Variants in CDC42 observed in about 807,000 individuals in gnomAD.
CDC42 encodes the protein cell division control protein 42 homolog.
CDC42 carries 1 observed loss-of-function variant against 20.8 expected under a neutral mutation model. The ratio of observed to expected loss-of-function variants is 0.05; its 90% CI spans 0.02 to 0.23. The LOEUF (loss-of-function observed/expected upper bound fraction) is 0.23. Among genes scored for constraint, CDC42 ranks in the 10% least tolerant of loss-of-function variants. The probability of loss-of-function intolerance (pLI) is 1.00; values close to 1 mark genes in which losing one functional copy is unlikely to be tolerated. For synonymous variants in CDC42, 72 were observed against 84.8 expected, an observed-to-expected ratio of 0.85 and a Z score of 0.83; for missense variants, 49 against 227.9, an observed-to-expected ratio of 0.21 and a Z score of 5.05.
At chr1:22,082,391 A>G (rs1046762570) in intron 3 of CDC42, among the ~76,000 whole-genome samples, 4 of 152,234 alleles carry the variant, frequency 2.6e-5, no homozygotes, top group Non-Finnish European at 1.5e-5. Flanking sequence ...TGCTCACAGT[A>G]TTGACATTTG....
chr1:22,054,923 T>TATATATA (rs1557890201), intron 1 of CDC42, among the ~76,000 whole-genome samples: 2 of 12,914 alleles, frequency 1.5e-4, no homozygotes, highest in African/African-American at 3.2e-4. Context: ...ATATATATAT[T>TATATATA]TTTTTTTTTT....
At chr1:22,078,907 T>A in intron 2 of CDC42, 1 of 1,130,872 alleles carries the variant, frequency 8.8e-7, no homozygotes, top group Non-Finnish European at 1.1e-6. Context: ...TTTTTTTTGA[T>A]ATTTTGGCCA....
At chr1:22,090,079 T>C (rs766564571) in intron 5 of CDC42, 1 of 1,599,596 alleles carries the variant, frequency 6.3e-7, no homozygotes, top group Non-Finnish European at 8.5e-7. Context: ...GTCCCACTAC[T>C]GTAGAAAGAT....
intron 2 of CDC42, among the ~76,000 whole-genome samples, chr1:22,080,910 C>T (rs1645600454): frequency 6.6e-6 from 1 of 152,210 alleles, no homozygotes; most frequent in African/African-American, 2.4e-5. Flanking sequence ...GTGGCTCACA[C>T]CTGTAATTCC....
rs747002932 is a variant in CDC42, at chr1:22,094,294, A to ATTTTTTTTTTTTTTTTTTTTTT, written c.*2798_*2799insTTTTTTTTTTTTTTTTTTTTTT. Among the ~76,000 whole-genome samples, 21 of 38,302 alleles carry ATTTTTTTTTTTTTTTTTTTTTT rather than the reference A, an allele frequency of 5.5e-4. 5 individuals carry two copies. The highest frequency in any genetic ancestry group is 1.4e-3 in the East Asian group (1 of 710). The allele number at this position is 38,302 out of a possible 152,430, so 25.1% of individuals were successfully genotyped here. On this transcript the variant is annotated 3_prime_UTR_variant, in exon 6 of 6. Coordinates refer to ENST00000656825, the MANE Select transcript of CDC42 (RefSeq NM_001791.4). ...GTTTTACTGAACATCCTAGAAATAGATTTTTTTTTTTTTTTTTTTTTGAGA... is the reference window on the plus strand; with the variant it reads ...GTTTTACTGAACATCCTAGAAATAGATTTTTTTTTTTTTTTTTTTTTTTTTTTTTTTTTTTTTTTTTTTGAGA...
chr1:22,057,774 A>C (rs1645319263), intron 1 of CDC42, among the ~76,000 whole-genome samples: 1 of 150,082 alleles, frequency 6.7e-6, no homozygotes, highest in Non-Finnish European at 1.5e-5. Flanking sequence ...CCCAGGCTGG[A>C]GTGCAGTGGC....
chr1:22,054,899 A>G (rs372150439), intron 1 of CDC42, among the ~76,000 whole-genome samples: 232 of 8,192 alleles, frequency 0.028, 4 homozygotes, highest in African/African-American at 0.049. Flanking sequence ...ATGTATATAT[A>G]TATATATATA....
rs1000055276 is a variant in CDC42, at chr1:22,098,239, CT to C, written c.*6726del. Among the ~76,000 whole-genome samples, 9 of 152,100 alleles carry C rather than the reference CT, an allele frequency of 5.9e-5. No homozygotes were observed. Among genetic ancestry groups the C allele is most frequent in the African/African-American group, 1.4e-4 (6 of 41,414 alleles). On this transcript the variant is annotated 3_prime_UTR_variant, in exon 6 of 6. Coordinates refer to ENST00000656825, the MANE Select transcript of CDC42 (RefSeq NM_001791.4). ...CGTGCCCTTTGGCAGGTAGCTTCCACTTTTCTGGCCTCATTATCTGTAAAAT... is the reference window on the plus strand; with the variant it reads ...CGTGCCCTTTGGCAGGTAGCTTCCACTTTCTGGCCTCATTATCTGTAAAAT...
chr1:22,060,359 T>G (rs1645349500), intron 1 of CDC42, among the ~76,000 whole-genome samples: 1 of 151,770 alleles, frequency 6.6e-6, no homozygotes, highest in Admixed American at 6.6e-5. Flanking sequence ...AAAAAAAGAT[T>G]ATTGCAATTC....
chr1:22,057,065 G>A (rs1003497673), intron 1 of CDC42, among the ~76,000 whole-genome samples: 21 of 152,198 alleles, frequency 1.4e-4, no homozygotes, highest in African/African-American at 5.1e-4. Context: ...GAACCAGACT[G>A]CCTGGGTTCA....
rs761770396 is a variant in CDC42, at chr1:22,091,436, A to G, written c.495A>G (p.Leu165=). 6.2e-7 allele frequency: 1 copy of G among 1,611,624 alleles called. No individual in the cohort carries two copies. The highest frequency in any genetic ancestry group is 8.5e-7 in the Non-Finnish European group (1 of 1,178,236). ...VECSALTQKG[L]KNVFDEAILA... is the part of the protein sequence containing the mutation. ...TTTCTACCCCTTTTCAGAAAGGCCT[A>G]AAGAATGTATTTGACGAAGCAATAT... Residue 165 remains leucine (L), a synonymous_variant, in exon 6 of 6, where the codon CTA becomes CTG. Coordinates refer to ENST00000656825, the MANE Select transcript of CDC42 (RefSeq NM_001791.4).
At chr1:22,068,227 C>A (rs1175149379) in intron 1 of CDC42, 1 of 152,550 alleles carries the variant, frequency 6.6e-6, no homozygotes, top group Non-Finnish European at 1.5e-5. Context: ...CATCTCTTTA[C>A]AAATAAACGT....
intron 1 of CDC42, among the ~76,000 whole-genome samples, chr1:22,076,972 C>T (rs1645558569): frequency 6.6e-6 from 1 of 151,780 alleles, no homozygotes. Context: ...AACAGTGAGA[C>T]CCGTCTCTTA....
intron 1 of CDC42, among the ~76,000 whole-genome samples, chr1:22,073,146 T>A (rs1570000500): frequency 6.6e-6 from 1 of 151,982 alleles, no homozygotes; most frequent in South Asian, 2.1e-4. Context: ...ATAGAGAGGG[T>A]TCCATAACCT....
chr1:22,070,443 CTTTTTTTTTTTTTTTTTTTTTTTTT>C (rs567184632), intron 1 of CDC42, among the ~76,000 whole-genome samples: 5 of 60,370 alleles, frequency 8.3e-5, no homozygotes, highest in Admixed American at 2.7e-4. Context: ...GCCTTTGCCT[CTTTTTTTTTTTTTTTTTTTTTTTTT>C]TTTTTTTTTT....
At chr1:22,070,850 G>A (rs1039850795) in intron 1 of CDC42, among the ~76,000 whole-genome samples, 1 of 151,910 alleles carries the variant, frequency 6.6e-6, no homozygotes, top group African/African-American at 2.4e-5. Flanking sequence ...AATAAAAACC[G>A]GACACAGCAG....
intron 3 of CDC42, among the ~76,000 whole-genome samples, chr1:22,084,248 TC>T (rs17435516): frequency 0.05 from 7,550 of 151,950 alleles, 332 homozygotes; most frequent in African/African-American, 0.13. Flanking sequence ...CGTATTGTTT[TC>T]CACAGTGGCT....
intron 1 of CDC42, among the ~76,000 whole-genome samples, chr1:22,071,990 C>T (rs1306802277): frequency 6.6e-6 from 1 of 152,052 alleles, no homozygotes; most frequent in African/African-American, 2.4e-5. Context: ...CTACCTATAC[C>T]TCTGCCCAGT....
chr1:22,100,411 A>G lies in CDC42; in HGVS notation c.*8894A>G, dbSNP rs1335641126. 2.6e-5 allele frequency among the ~76,000 whole-genome samples: 4 copies of G among 152,244 alleles called. No individual in the cohort carries two copies. The highest frequency in any genetic ancestry group is 3.8e-4 in the East Asian group (2 of 5,196). On this transcript the variant is annotated 3_prime_UTR_variant, in exon 6 of 6. Coordinates refer to ENST00000656825, the MANE Select transcript of CDC42 (RefSeq NM_001791.4). ...TGGCATTGTTGGTGTTGTGCGAAGT[A>G]CATGCATAGGCTTTGGATTTGAGTT...
Sources: allele counts gnomAD v4.1 joint callset (sites outside exome capture counted in the v4.1 genomes callset), GRCh38; gene constraint gnomAD v4.1.1; transcripts MANE v1.5; gene names NCBI Gene and HGNC (gene_info 2026-07-23, HGNC 2026-07-21).